Variants in HID1 observed in about 807,000 individuals in gnomAD.
HID1 encodes the protein HID1 domain containing, also known as protein HID1.
A neutral mutation model predicts 89.7 loss-of-function variants in HID1; 42 were observed. That is an observed-to-expected ratio of 0.47 (90% CI 0.37 to 0.61). The LOEUF is 0.61. HID1 is among the 20% of genes least tolerant of loss of function. The pLI is 0.00. For missense variants in HID1, 854 were observed against 1,039.3 expected (o/e 0.82, Z 2.45); for synonymous variants, 442 against 433.8 (o/e 1.02, Z -0.24).
intron 1 of HID1, among the ~76,000 whole-genome samples, chr17:74,969,927 T>TC (rs1242911514): frequency 4.1e-5 from 6 of 145,138 alleles, no homozygotes; most frequent in Admixed American, 6.9e-5. Flanking sequence ...TTTTTCTTTT[T>TC]TTTTTTTTTT....
At position 74,953,047 on chromosome 17, in the gene HID1, T is replaced by C; in HGVS notation, c.2011A>G (p.Thr671Ala). The change falls in exon 16 of 19, where the codon ACC (threonine) becomes GCC (alanine). Residue 671 changes from threonine to alanine, a missense_variant. Physicochemically the swap from Thr to Ala is moderately conservative, Grantham distance 58 (BLOSUM62 0). Coordinates refer to ENST00000425042, the MANE Select transcript of HID1 (RefSeq NM_030630.3). ...CTCCACTGCCCACTGGCTGATGAGG[T>C]GGACGGTCGCCGCTGCTCCCTCCAT... Reference protein sequence around the residue: ...QAWREQRRPSTSSASGQWSPT... With the variant: ...QAWREQRRPSASSASGQWSPT... The C allele has an allele frequency of 3.1e-6, 5 of 1,608,898 alleles. No homozygotes were observed. Among genetic ancestry groups the C allele is most frequent in the Non-Finnish European group, 4.2e-6 (5 of 1,178,512 alleles).
chr17:74,966,717 A>G (rs1251196782), intron 1 of HID1, among the ~76,000 whole-genome samples: 2 of 152,082 alleles, frequency 1.3e-5, no homozygotes, highest in Non-Finnish European at 2.9e-5. Flanking sequence ...TGGGAGGCCA[A>G]GGTGGGAGAA....
chr17:74,955,433 G>A (rs559256530), intron 13 of HID1, among the ~76,000 whole-genome samples: 5 of 152,200 alleles, frequency 3.3e-5, no homozygotes, highest in Non-Finnish European at 5.9e-5. Context: ...CCTGGGAGAC[G>A]GAGGTTGCAG....
Position 74,972,542 on chromosome 17 carries a change from G to C in HID1, c.66+49C>G, listed in dbSNP as rs1217303665. 1.1e-5 allele frequency: 17 copies of C among 1,507,008 alleles called. No homozygotes were observed. Among genetic ancestry groups the C allele is most frequent in the Non-Finnish European group, 1.4e-5 (16 of 1,113,848 alleles). 93.4% of individuals were successfully genotyped at this position (1,507,008 alleles called of 1,614,324 possible). On this transcript the variant is annotated intron_variant, in intron 1 of 18. Coordinates refer to ENST00000425042, the MANE Select transcript of HID1 (RefSeq NM_030630.3). The surrounding 1 kb of genome is among the most constrained non-coding windows in gnomAD (Gnocchi z 6.4). The stretch of plus-strand genomic sequence containing the variant: ...GTTCGCGTACCCCCGGCCCTGCCCA[G>C]CCCCCAGCCCGGCAGGTGGATGGGG...
chr17:74,967,428 C>T (rs1304353987), intron 1 of HID1, among the ~76,000 whole-genome samples: 1 of 151,488 alleles, frequency 6.6e-6, no homozygotes, highest in Non-Finnish European at 1.5e-5. Flanking sequence ...ATCCCAGCTA[C>T]TGGGGGAGGC....
Position 74,964,004 on chromosome 17 carries a change from G to T in HID1, c.217-94C>A, listed in dbSNP as rs961752263. 25 of 1,292,748 alleles carry T rather than the reference G, an allele frequency of 1.9e-5. No individual in the cohort carries two copies. In the Admixed American group the frequency reaches 4.6e-4, roughly 24 times the overall value. The allele number at this position is 1,292,748 out of a possible 1,614,324, so 80.1% of individuals were successfully genotyped here. On this transcript the variant is annotated intron_variant, in intron 2 of 18. Coordinates refer to ENST00000425042, the MANE Select transcript of HID1 (RefSeq NM_030630.3). ...GGTGGGCACCCAGGCTGCAGAGGAG[G>T]GTCAGGGGGGGCACCCAGGCTGCAG...
At chr17:74,963,142 G>A in intron 3 of HID1, 61 bp from the exon 4 acceptor site, 1 of 1,269,318 alleles carries the variant, frequency 7.9e-7, no homozygotes, top group Non-Finnish European at 1.1e-6. Context: ...GGTGGCCCAG[G>A]GCTTGGGGGT....
chr17:74,966,151 G>A (rs2144825166), intron 1 of HID1, among the ~76,000 whole-genome samples: 1 of 151,644 alleles, frequency 6.6e-6, no homozygotes, highest in South Asian at 2.1e-4. Flanking sequence ...TGGGCATGGT[G>A]ACGGGTGCCT....
intron 12 of HID1, among the ~76,000 whole-genome samples, chr17:74,956,657 C>T (rs1157302372): frequency 6.6e-6 from 1 of 152,202 alleles, no homozygotes; most frequent in South Asian, 2.1e-4. Context: ...GAGGCCTCTA[C>T]CACCGCACAC....
rs1444459042 is a variant in HID1, at chr17:74,955,949, G to A, written c.1479C>T (p.Pro493=). ...CLLTIVVNVS[P]YLKSLSMVTA... ...TCACCATGGACAGGCTCTTGAGGTA[G>A]GGGGACACTGTAAGGGAGGGGTCAG... The change falls in exon 13 of 19, where the codon CCC becomes CCT. Residue 493 remains proline, a synonymous_variant. Transcript: ENST00000425042. 4 of 1,613,300 alleles carry A rather than the reference G, an allele frequency of 2.5e-6. No individual in the cohort carries two copies. The Admixed American group carries it at 6.7e-5, about 27-fold the overall frequency.
At position 74,951,529 on chromosome 17, in the gene HID1, C is replaced by A. The variant is rs773055391; in HGVS notation, c.*41G>T. On this transcript the variant is annotated 3_prime_UTR_variant, in exon 19 of 19. Transcript: ENST00000425042. ...ATGGGGGAAGCCTCAGGGACCAAGG[C>A]CCTGCCTTCCCCTAGACTGAGCCCC... 2.5e-5 allele frequency: 40 copies of A among 1,579,300 alleles called. No individual in the cohort carries two copies. The highest frequency in any genetic ancestry group is 3.3e-5 in the Non-Finnish European group (38 of 1,157,080).
chr17:74,972,072 A>C lies in HID1; in HGVS notation c.66+519T>G, dbSNP rs1159170276. ...AGGAAGACCTGGGCCTTCCCTGCCCACGGGCATCGACCAGGGCCCAGCGAG... is the reference window on the plus strand; with the variant it reads ...AGGAAGACCTGGGCCTTCCCTGCCCCCGGGCATCGACCAGGGCCCAGCGAG... On this transcript the variant is annotated intron_variant, in intron 1 of 18. Coordinates refer to ENST00000425042, the MANE Select transcript of HID1 (RefSeq NM_030630.3). This position sits in a 1 kb window ranked among gnomAD's most constrained non-coding sequence, Gnocchi z 6.4. Among the ~76,000 whole-genome samples the C allele has an allele frequency of 6.6e-6, 1 of 152,098 alleles. No homozygotes were observed. The highest frequency in any genetic ancestry group is 2.4e-5 in the African/African-American group (1 of 41,386).
Position 74,952,995 on chromosome 17 carries a change from T to TC in HID1, c.2052+10dup. On this transcript the variant is annotated intron_variant, in intron 16 of 18. Transcript: ENST00000425042. ...CAGCCCCCGCTCGCCTGGCACAGGG[T>TC]CCCTCCTCACCCACTCTGGCGTTGG... 1 of 1,595,376 alleles carries TC rather than the reference T, an allele frequency of 6.3e-7. No individual in the cohort carries two copies. The highest frequency in any genetic ancestry group is 8.5e-7 in the Non-Finnish European group (1 of 1,171,388).
chr17:74,957,764 G>A (rs1433430440), intron 12 of HID1, among the ~76,000 whole-genome samples: 1 of 152,070 alleles, frequency 6.6e-6, no homozygotes, highest in Non-Finnish European at 1.5e-5. Context: ...GCCAGGTGTG[G>A]TGGCACACGC....
rs758025775 is a variant in HID1 at position 74,964,547 on chromosome 17, G to A, written c.152C>T (p.Pro51Leu). ...TSVQDVFALV[P>L]AAEIRAVREE... ...CCGCACGGCCCGGATCTCTGCTGCC[G>A]GCACCAGTGCAAACACATCCTGCAC... is the stretch of plus-strand genomic sequence containing the variant. Residue 51 changes from proline to leucine, a missense_variant, in exon 2 of 19, where the codon CCG (proline) becomes CTG (leucine). Pro to Leu is a moderately conservative substitution (Grantham distance 98). Transcript: ENST00000425042. 20 of 1,610,322 alleles carry A rather than the reference G, an allele frequency of 1.2e-5. No homozygotes were observed. The East Asian group carries it at 1.3e-4, about 11-fold the overall frequency.
chr17:74,953,401 C>A (rs1451690760), intron 15 of HID1, 144 bp downstream of exon 15: 6 of 657,736 alleles, frequency 9.1e-6, no homozygotes, highest in Non-Finnish European at 1.6e-5. Flanking sequence ...GAGTCAGCAG[C>A]GCTGACCCTA....
At chr17:74,964,898 G>T (rs1465840003) in intron 1 of HID1, among the ~76,000 whole-genome samples, 1 of 152,184 alleles carries the variant, frequency 6.6e-6, no homozygotes, top group Non-Finnish European at 1.5e-5. Flanking sequence ...CCCTGAGGAG[G>T]TGTGTGACCC....
Position 74,958,351 on chromosome 17 carries a change from C to T in HID1, c.1368G>A (p.Gly456=), listed in dbSNP as rs773916292. The change falls in exon 11 of 19, where the codon GGG becomes GGA. Residue 456 remains glycine (G), a synonymous_variant. Coordinates refer to ENST00000425042, the MANE Select transcript of HID1 (RefSeq NM_030630.3). This position sits in a 1 kb window ranked among gnomAD's most constrained non-coding sequence, Gnocchi z 5.2. ...RVPMDIPVFT[G]THADLLIVVF... ...CCACAATGAGCAGGTCGGCGTGGGT[C>T]CCTGTGAAGACTGGGATGTCCATGG... 9 of 1,613,088 alleles carry T rather than the reference C, an allele frequency of 5.6e-6. No homozygotes were observed. Among genetic ancestry groups the T allele is most frequent in the Non-Finnish European group, 6.8e-6 (8 of 1,179,718 alleles).
intron 16 of HID1, 53 bp downstream of exon 16, chr17:74,952,953 A>G (rs2039327971): frequency 7.0e-7 from 1 of 1,427,822 alleles, no homozygotes; most frequent in Admixed American, 2.0e-5. Flanking sequence ...CCGCCTCAGT[A>G]CCATCTGCCC....
Sources: allele counts gnomAD v4.1 joint callset (sites outside exome capture counted in the v4.1 genomes callset), GRCh38; gene constraint gnomAD v4.1.1; non-coding constraint Gnocchi (gnomAD v3.1); transcripts MANE v1.5; gene names NCBI Gene and HGNC (gene_info 2026-07-23, HGNC 2026-07-21).